SPAG16: variants seen among roughly 807,000 people sequenced by gnomAD.
SPAG16 encodes the protein sperm-associated antigen 16 protein.
Under a neutral mutation model 80.4 loss-of-function variants are expected in SPAG16, and 86 were observed. That is an observed-to-expected ratio of 1.07 (90% CI 0.90 to 1.28). The LOEUF is 1.28. Among genes scored for constraint, SPAG16 ranks in the 50% most tolerant of loss-of-function variants. The pLI, the probability that SPAG16 is intolerant of heterozygous loss-of-function variation, is 0.00. For missense variants in SPAG16, 870 were observed against 765.3 expected, an observed-to-expected ratio of 1.14 and a Z score of -1.61; for synonymous variants, 294 against 265.9, an observed-to-expected ratio of 1.11 and a Z score of -1.03.
intron 10 of SPAG16, among the ~76,000 whole-genome samples, chr2:213,687,465 G>C (rs554517027): frequency 1.3e-5 from 2 of 152,108 alleles, no homozygotes; most frequent in South Asian, 2.1e-4. Flanking sequence ...GTGAAAAATT[G>C]GTTCATTTTC....
intron 13 of SPAG16, among the ~76,000 whole-genome samples, chr2:214,084,918 A>G (rs1039079889): frequency 6.6e-6 from 1 of 152,218 alleles, no homozygotes; most frequent in South Asian, 2.1e-4. Context: ...AAGAAGACTG[A>G]CAAGTAAACA....
chr2:213,504,798 G>T (rs1160494211), intron 10 of SPAG16, among the ~76,000 whole-genome samples: 1 of 152,192 alleles, frequency 6.6e-6, no homozygotes, highest in Non-Finnish European at 1.5e-5. Flanking sequence ...ATCAAGTGAG[G>T]TTGAATTCTG....
intron 15 of SPAG16, among the ~76,000 whole-genome samples, chr2:214,376,526 A>G (rs1700142375): frequency 6.6e-6 from 1 of 152,158 alleles, no homozygotes; most frequent in Admixed American, 6.6e-5. Context: ...TCAAAATAAT[A>G]GGACCAAAAT....
intron 10 of SPAG16, among the ~76,000 whole-genome samples, chr2:213,736,464 T>C (rs1452111611): frequency 6.6e-6 from 1 of 152,022 alleles, no homozygotes; most frequent in Non-Finnish European, 1.5e-5. Flanking sequence ...ATTTTTGTAT[T>C]TTTAGTAGAG....
intron 10 of SPAG16, among the ~76,000 whole-genome samples, chr2:213,709,678 A>C (rs1424707972): frequency 2.0e-5 from 3 of 152,236 alleles, no homozygotes; most frequent in East Asian, 3.9e-4. Flanking sequence ...CTAACCAATA[A>C]AGAAAAGTTA....
At chr2:213,591,424 C>T (rs1244830442) in intron 10 of SPAG16, among the ~76,000 whole-genome samples, 2 of 152,010 alleles carry the variant, frequency 1.3e-5, no homozygotes, top group Non-Finnish European at 2.9e-5. Context: ...AAGACAATGC[C>T]TCCAAGATAG....
At chr2:213,656,613 AG>A (rs971697315) in intron 10 of SPAG16, among the ~76,000 whole-genome samples, 15 of 152,204 alleles carry the variant, frequency 9.9e-5, no homozygotes, top group African/African-American at 3.6e-4. Flanking sequence ...TTTCACTGGT[AG>A]GCAAGGAAGA....
intron 11 of SPAG16, among the ~76,000 whole-genome samples, chr2:213,914,441 A>C (rs1052252472): frequency 7.2e-5 from 11 of 152,122 alleles, no homozygotes; most frequent in Non-Finnish European, 2.9e-5. Context: ...TACTCTTCAA[A>C]GAACCATTTT....
chr2:213,859,191 AAAAAAAAAAAAAAAAAAAAAAAAAAC>A (rs1335861899), intron 10 of SPAG16, among the ~76,000 whole-genome samples: 2 of 129,244 alleles, frequency 1.5e-5, no homozygotes, highest in East Asian at 2.1e-4. Context: ...AAAAAAAAAA[AAAAAAAAAAAAAAAAAAAAAAAAAAC>A]TCAATGTCCT....
chr2:213,479,051 C>T (rs2073592649), intron 9 of SPAG16, among the ~76,000 whole-genome samples: 4 of 145,870 alleles, frequency 2.7e-5, no homozygotes, highest in Admixed American at 2.7e-4. Flanking sequence ...TTCACCTAAA[C>T]ATGTATTCTT....
At chr2:213,480,853 T>A (rs2073712241) in intron 9 of SPAG16, among the ~76,000 whole-genome samples, 1 of 152,156 alleles carries the variant, frequency 6.6e-6, no homozygotes, top group Non-Finnish European at 1.5e-5. Context: ...CTTTCAGATG[T>A]TTTTTATTAT....
chr2:213,748,944 C>G (rs961443236), intron 10 of SPAG16, among the ~76,000 whole-genome samples: 1 of 152,008 alleles, frequency 6.6e-6, no homozygotes, highest in Non-Finnish European at 1.5e-5. Context: ...GTCAGGAGAT[C>G]GAGACCATCC....
intron 10 of SPAG16, among the ~76,000 whole-genome samples, chr2:213,766,722 C>T (rs932155871): frequency 2.6e-5 from 4 of 152,256 alleles, no homozygotes; most frequent in South Asian, 2.1e-4. Flanking sequence ...GTACAGGCTA[C>T]TGAGTCAGAG....
At chr2:213,400,151 T>C (rs1471819294) in intron 9 of SPAG16, among the ~76,000 whole-genome samples, 12 of 152,076 alleles carry the variant, frequency 7.9e-5, no homozygotes, top group South Asian at 6.2e-4. Context: ...CTTGTATAAC[T>C]TTGTAGTTTC....
chr2:213,922,225 A>G (rs1369693755), intron 11 of SPAG16, among the ~76,000 whole-genome samples: 1 of 149,496 alleles, frequency 6.7e-6, no homozygotes, highest in African/African-American at 2.4e-5. Flanking sequence ...CCTTCCTTTT[A>G]AATTCTTTTT....
intron 10 of SPAG16, among the ~76,000 whole-genome samples, chr2:213,603,287 A>G (rs922471586): frequency 6.6e-6 from 1 of 152,118 alleles, no homozygotes; most frequent in Non-Finnish European, 1.5e-5. Context: ...TTTTCTATGT[A>G]TTGCTTCTGT....
chr2:213,861,032 C>G (rs184922653), intron 10 of SPAG16, among the ~76,000 whole-genome samples: 2 of 152,132 alleles, frequency 1.3e-5, no homozygotes, highest in Non-Finnish European at 2.9e-5. Flanking sequence ...AAATTCTTTA[C>G]TTGAATTGGC....
At chr2:213,593,069 G>A (rs913728869) in intron 10 of SPAG16, among the ~76,000 whole-genome samples, 1 of 150,642 alleles carries the variant, frequency 6.6e-6, no homozygotes, top group Admixed American at 6.6e-5. Context: ...CAATCCGTAT[G>A]TATATATATA....
intron 10 of SPAG16, among the ~76,000 whole-genome samples, chr2:213,683,661 TTTC>T (rs941691663): frequency 2.0e-5 from 3 of 152,230 alleles, no homozygotes; most frequent in African/African-American, 7.2e-5. Flanking sequence ...ATATATTTTT[TTTC>T]AAGTTAAGGG....
Sources: allele counts gnomAD v4.1 joint callset (sites outside exome capture counted in the v4.1 genomes callset), GRCh38; gene constraint gnomAD v4.1.1; transcripts MANE v1.5; gene names NCBI Gene and HGNC (gene_info 2026-07-23, HGNC 2026-07-21).